ZNF235: variants seen among roughly 807,000 people sequenced by gnomAD.
ZNF235 encodes zinc finger protein 235.
ZNF235 carries 25 observed loss-of-function variants against 29.4 expected under a neutral mutation model. The ratio of observed to expected loss-of-function variants is 0.85; its 90% confidence interval spans 0.62 to 1.19. ZNF235 has a LOEUF of 1.19. ZNF235 is among the 50% of genes most tolerant of loss of function. The pLI is 0.00. For synonymous variants in ZNF235, 300 were observed against 295.3 expected (o/e 1.02, Z -0.16); for missense variants, 788 against 885.0 (o/e 0.89, Z 1.39).
chr19:44,302,373 G>A (rs34405455), intron 2 of ZNF235, among the ~76,000 whole-genome samples: 1 of 151,966 alleles, frequency 6.6e-6, no homozygotes, highest in Admixed American at 6.6e-5. Flanking sequence ...TTAAAAAGCA[G>A]GTGATATAAA....
chr19:44,293,654 T>C (rs144748265), intron 4 of ZNF235, among the ~76,000 whole-genome samples: 5 of 152,220 alleles, frequency 3.3e-5, no homozygotes, highest in Admixed American at 6.5e-5. Context: ...TTCTCCAAGA[T>C]AGAACATATG....
At chr19:44,299,762 C>A (rs1382196685) in intron 2 of ZNF235, 30 bp from the exon 3 acceptor site, 1 of 1,613,388 alleles carries the variant, frequency 6.2e-7, no homozygotes, top group Non-Finnish European at 8.5e-7. Flanking sequence ...TAACCTCAAT[C>A]TCACACCCAA....
chr19:44,298,969 A>G, intron 3 of ZNF235, 66 bp from the exon 4 acceptor site: 1 of 1,228,332 alleles, frequency 8.1e-7, no homozygotes, highest in Non-Finnish European at 1.2e-6. Flanking sequence ...TCTGGTTCCA[A>G]TCACATGATG....
intron 4 of ZNF235, among the ~76,000 whole-genome samples, chr19:44,296,294 G>A (rs565070606): frequency 2.0e-5 from 3 of 152,208 alleles, no homozygotes; most frequent in African/African-American, 7.2e-5. Context: ...CAGAGTCTAT[G>A]GCATTATTTA....
At position 44,288,895 on chromosome 19, in the gene ZNF235, C is replaced by A. The variant is rs112686123; in HGVS notation, c.540G>T (p.Pro180=). The A allele has an allele frequency of 6.2e-7, 1 of 1,613,824 alleles. No individual in the cohort carries two copies. Among genetic ancestry groups the A allele is most frequent in the Non-Finnish European group, 8.5e-7 (1 of 1,179,980 alleles). The change falls in exon 5 of 5, where the codon CCG becomes CCT. Residue 180 remains proline (P), a synonymous_variant. Transcript: ENST00000291182. The part of the protein sequence containing the change: ...ENQEFPTGKV[P]NSWSKIYLNE... ...TCAGATATATTTTACTCCAAGAATT[C>A]GGAACTTTCCCAGTTGGAAATTCTT...
chr19:44,300,771 C>T (rs986940220), intron 2 of ZNF235, among the ~76,000 whole-genome samples: 6 of 142,812 alleles, frequency 4.2e-5, no homozygotes, highest in African/African-American at 7.9e-5. Flanking sequence ...ACCCGGCAGG[C>T]GGAGGTTGCA....
chr19:44,299,784 A>G, intron 2 of ZNF235, 52 bp from the exon 3 acceptor site: 2 of 1,611,994 alleles, frequency 1.2e-6, no homozygotes, highest in Non-Finnish European at 1.7e-6. Context: ...GGCCACTGGC[A>G]CCTAAGCAAC....
chr19:44,302,883 T>A (rs1176518853), intron 2 of ZNF235, among the ~76,000 whole-genome samples: 2 of 140,152 alleles, frequency 1.4e-5, no homozygotes, highest in Non-Finnish European at 3.1e-5. Context: ...TGTATGTGTT[T>A]ATATATACAT....
In ZNF235 at chr19:44,288,483, G is replaced by GT. The variant is rs1568643094; in HGVS notation, c.951dup (p.Arg318ThrfsTer6). The GT allele has an allele frequency of 6.2e-7, 1 of 1,614,156 alleles. No individual in the cohort carries two copies. ...TTACCACATTCATGACACCAATAGC[G>GT]TTTTTTCCCAGTACGAACACTTTGT... On this transcript the variant is annotated frameshift_variant, in exon 5 of 5. Transcript: ENST00000291182. LOFTEE classifies it low-confidence loss of function (END_TRUNC).
intron 1 of ZNF235, among the ~76,000 whole-genome samples, chr19:44,304,435 C>G (rs933511339): frequency 3.0e-4 from 45 of 152,276 alleles, no homozygotes; most frequent in African/African-American, 1.1e-3. Context: ...TCCAAGAATC[C>G]AGGAACGGCC....
At chr19:44,289,603 T>C (rs977085394) in intron 4 of ZNF235, 1 of 155,628 alleles carries the variant, frequency 6.4e-6, no homozygotes, top group Non-Finnish European at 1.4e-5. Context: ...CATCACAGAT[T>C]TTCCTGGATT....
chr19:44,299,476 G>A (rs1975702889), intron 3 of ZNF235, 130 bp downstream of exon 3: 2 of 1,161,682 alleles, frequency 1.7e-6, no homozygotes, highest in East Asian at 4.8e-5. Flanking sequence ...GGGGACAGAG[G>A]CCAGGGATGC....
chr19:44,299,780 T>C (rs1354801044), intron 2 of ZNF235, 48 bp from the exon 3 acceptor site: 2 of 1,612,176 alleles, frequency 1.2e-6, no homozygotes. Flanking sequence ...CAATGGCCAC[T>C]GGCACCTAAG....
chr19:44,304,976 T>G lies in ZNF235; in HGVS notation c.-54A>C, dbSNP rs1599896493. 3.1e-6 allele frequency: 3 copies of G among 980,582 alleles called. No homozygotes were observed. The African/African-American group carries it at 5.2e-5, about 17-fold the overall frequency. 60.7% of individuals were successfully genotyped at this position (980,582 alleles called of 1,614,324 possible). ...GAGACCCGGAGCTGACTCACCTCCC[T>G]GGGAGATATCTCAGATCCGACCTCG... is the stretch of plus-strand genomic sequence containing the variant. On this transcript the variant is annotated 5_prime_UTR_variant, in exon 1 of 5. Coordinates refer to ENST00000291182, the MANE Select transcript of ZNF235 (RefSeq NM_004234.4).
chr19:44,298,146 GGT>G (rs1975680671), intron 4 of ZNF235, among the ~76,000 whole-genome samples: 1 of 151,860 alleles, frequency 6.6e-6, no homozygotes, highest in Non-Finnish European at 1.5e-5. Flanking sequence ...GAAAGACAAA[GGT>G]TTAAGAAAAA....
intron 2 of ZNF235, among the ~76,000 whole-genome samples, chr19:44,300,921 T>C (rs2123106104): frequency 6.6e-6 from 1 of 152,172 alleles, no homozygotes; most frequent in South Asian, 2.1e-4. Flanking sequence ...GTTTTGCTGG[T>C]ATAATGTTAA....
At chr19:44,303,309 T>C in intron 2 of ZNF235, 81 bp downstream of exon 2, 3 of 1,503,430 alleles carry the variant, frequency 2.0e-6, no homozygotes, top group East Asian at 2.3e-5. Flanking sequence ...TCCCTTTTAC[T>C]GTTCCCAAAC....
intron 4 of ZNF235, among the ~76,000 whole-genome samples, chr19:44,298,090 G>A (rs1293578629): frequency 6.6e-6 from 1 of 152,126 alleles, no homozygotes; most frequent in Non-Finnish European, 1.5e-5. Context: ...TTGTACTCCA[G>A]CCTGGGCAAC....
rs2123086604 is a variant in ZNF235, at chr19:44,286,567, G to C, written c.*651C>G. 6.6e-6 allele frequency: 1 copy of C among 152,336 alleles called. No homozygotes were observed. The highest frequency in any genetic ancestry group is 2.1e-4 in the South Asian group (1 of 4,832). 9.4% of individuals were successfully genotyped at this position (152,336 alleles called of 1,614,324 possible). A position where few individuals can be genotyped will look rare whatever the true frequency, so the allele number is the denominator to read the frequency against. ...ACAAAGAACTAAGGCTGAAGGATGG[G>C]AGCCATTCATGTCTTTTTTCCAAAT... is the stretch of plus-strand genomic sequence containing the variant. On this transcript the variant is annotated 3_prime_UTR_variant, in exon 5 of 5. Coordinates refer to ENST00000291182, the MANE Select transcript of ZNF235 (RefSeq NM_004234.4).
Sources: gnomAD v4.1 joint callset for allele counts (sites outside exome capture counted in the v4.1 genomes callset) on GRCh38, gnomAD v4.1.1 for gene constraint, MANE v1.5 for transcripts, NCBI Gene and HGNC (gene_info 2026-07-23, HGNC 2026-07-21) for gene names.